The following CCSER1 variants were observed in gnomAD, a reference collection of about 807,000 sequenced individuals.
CCSER1 encodes coiled-coil serine rich protein 1.
Under a neutral mutation model 82.0 loss-of-function variants are expected in CCSER1, and 41 were observed. The ratio of observed to expected loss-of-function variants is 0.50; its 90% CI spans 0.39 to 0.65. CCSER1 has a LOEUF of 0.65. CCSER1 is among the 30% of genes least tolerant of loss of function. CCSER1 has a pLI of 0.00. For synonymous variants in CCSER1, 414 were observed against 383.9 expected (o/e 1.08, Z -0.92); for missense variants, 1,119 against 1,064.2 (o/e 1.05, Z -0.72).
At chr4:90,694,861 C>T (rs1038831036) in intron 6 of CCSER1, among the ~76,000 whole-genome samples, 3 of 150,316 alleles carry the variant, frequency 2.0e-5, no homozygotes, top group Non-Finnish European at 3.0e-5. Flanking sequence ...ATGCTGCATT[C>T]CTAAAAAGCT....
At chr4:90,221,935 A>G (rs1412176528) in intron 1 of CCSER1, among the ~76,000 whole-genome samples, 1 of 152,204 alleles carries the variant, frequency 6.6e-6, no homozygotes, top group Non-Finnish European at 1.5e-5. Flanking sequence ...GATAAATGAA[A>G]TATTTATACC....
intron 3 of CCSER1, chr4:90,325,525 G>A (rs1056908650): frequency 4.2e-5 from 10 of 238,518 alleles, no homozygotes; most frequent in Non-Finnish European, 7.5e-5. Flanking sequence ...CAACTGCTTT[G>A]TTCCTTATTT....
intron 10 of CCSER1, among the ~76,000 whole-genome samples, chr4:91,247,959 G>T (rs1368577557): frequency 6.6e-6 from 1 of 152,126 alleles, no homozygotes; most frequent in Non-Finnish European, 1.5e-5. Flanking sequence ...ACTTAGGCAG[G>T]AAGTATACAA....
intron 9 of CCSER1, among the ~76,000 whole-genome samples, chr4:90,997,172 C>A (rs2150464445): frequency 6.6e-6 from 1 of 152,210 alleles, no homozygotes; most frequent in East Asian, 1.9e-4. Context: ...GTTTGTGTTC[C>A]TTCTGGAGGT....
chr4:90,267,484 C>T (rs1207691345), intron 1 of CCSER1, among the ~76,000 whole-genome samples: 1 of 152,030 alleles, frequency 6.6e-6, no homozygotes, highest in African/African-American at 2.4e-5. Flanking sequence ...GAGCCCTGGA[C>T]CTTGAGCAAA....
intron 8 of CCSER1, among the ~76,000 whole-genome samples, chr4:90,880,324 CCAGAGATACGGGTCAGTAATCACT>C (rs1193565460): frequency 3.3e-5 from 5 of 152,078 alleles, no homozygotes; most frequent in Non-Finnish European, 5.9e-5. Flanking sequence ...GGGCTCCACA[CCAGAGATACGGGTCAGTAATCACT>C]CAGTGCAGTC....
chr4:91,351,337 C>A (rs1315993034), intron 10 of CCSER1, among the ~76,000 whole-genome samples: 2 of 151,988 alleles, frequency 1.3e-5, no homozygotes, highest in East Asian at 1.9e-4. Flanking sequence ...TAATTTGAAT[C>A]CTTCAGAGAT....
At chr4:90,276,976 A>G (rs72879736) in intron 1 of CCSER1, among the ~76,000 whole-genome samples, 7,378 of 152,068 alleles carry the variant, frequency 0.049, 475 homozygotes, top group African/African-American at 0.15. Flanking sequence ...TACTGAAGTC[A>G]TTTTCAGTTC....
chr4:91,444,496 C>T (rs568796474), intron 10 of CCSER1, among the ~76,000 whole-genome samples: 1 of 151,876 alleles, frequency 6.6e-6, no homozygotes, highest in South Asian at 2.1e-4. Context: ...ATCACCCAGG[C>T]TGGAGTGCAA....
intron 1 of CCSER1, among the ~76,000 whole-genome samples, chr4:90,238,441 C>G (rs997193531): frequency 2.0e-5 from 3 of 152,170 alleles, no homozygotes; most frequent in African/African-American, 7.2e-5. Flanking sequence ...ATTGAAGACT[C>G]ACATAGGAAA....
chr4:91,568,571 G>A (rs374162647), intron 10 of CCSER1, among the ~76,000 whole-genome samples: 14 of 151,768 alleles, frequency 9.2e-5, no homozygotes, highest in African/African-American at 1.5e-4. Context: ...ATTTTTGTCC[G>A]CTGTCTTATT....
intron 1 of CCSER1, among the ~76,000 whole-genome samples, chr4:90,129,690 C>T (rs1722483253): frequency 6.6e-6 from 1 of 152,134 alleles, no homozygotes; most frequent in South Asian, 2.1e-4. Context: ...CAAAACAAAC[C>T]AACTGTTGTT....
intron 1 of CCSER1, among the ~76,000 whole-genome samples, chr4:90,269,843 T>G (rs1046242775): frequency 6.6e-6 from 1 of 151,856 alleles, no homozygotes; most frequent in Non-Finnish European, 1.5e-5. Flanking sequence ...AAGGGGACAT[T>G]ACAATTGATA....
chr4:91,120,785 C>T (rs537626858), intron 10 of CCSER1, among the ~76,000 whole-genome samples: 19 of 151,710 alleles, frequency 1.3e-4, no homozygotes, highest in South Asian at 4.2e-4. Context: ...TTTATAAGTC[C>T]GAGGTGATCA....
At chr4:91,470,232 T>C (rs1757187330) in intron 10 of CCSER1, among the ~76,000 whole-genome samples, 1 of 152,210 alleles carries the variant, frequency 6.6e-6, no homozygotes, top group African/African-American at 2.4e-5. Flanking sequence ...GCTAGGGTAT[T>C]GTACAGATTG....
In CCSER1 at chr4:91,014,139, C is replaced by T; in HGVS notation, c.2173-71811C>T. On this transcript the variant is annotated intron_variant, in intron 9 of 10. Transcript: ENST00000509176. ...AAAAATATTCTTTAGCGGGATTTTA[C>T]TTTATTTCTGCAGATTTTTCTCCTC... is the stretch of plus-strand genomic sequence containing the variant. 1.6e-5 allele frequency among the ~76,000 whole-genome samples: 2 copies of T among 124,632 alleles called. 1 individual carries two copies. The highest frequency in any genetic ancestry group is 3.7e-5 in the Non-Finnish European group (2 of 53,816). 81.8% of individuals were successfully genotyped at this position (124,632 alleles called of 152,430 possible). A position where few individuals can be genotyped will look rare whatever the true frequency, so the allele number is the denominator to read the frequency against.
In CCSER1 at chr4:91,326,458, G is replaced by A. The variant is rs1344257519; in HGVS notation, c.2217+240464G>A. Among the ~76,000 whole-genome samples, 3 of 152,136 alleles carry A rather than the reference G, an allele frequency of 2.0e-5. No individual in the cohort carries two copies. In the East Asian group the frequency reaches 5.8e-4, roughly 29 times the overall value. ...CACTAGAACAGTAAGGGGGAAATCT[G>A]CCTTCATGATCCAATCACCTCCCAC... is the stretch of plus-strand genomic sequence containing the variant. On this transcript the variant is annotated intron_variant, in intron 10 of 10. Transcript: ENST00000509176.
intron 9 of CCSER1, among the ~76,000 whole-genome samples, chr4:91,048,714 C>G (rs1742735801): frequency 6.6e-6 from 1 of 152,098 alleles, no homozygotes; most frequent in Non-Finnish European, 1.5e-5. Context: ...ATGATGAAAT[C>G]TTTCTGTGTT....
intron 10 of CCSER1, among the ~76,000 whole-genome samples, chr4:91,309,166 T>TAAAA (rs1274144427): frequency 6.6e-6 from 1 of 152,118 alleles, no homozygotes; most frequent in Admixed American, 6.6e-5. Context: ...CCGTCCTTTT[T>TAAAA]AGATGATTAC....
Sources: gnomAD v4.1 joint callset for allele counts (sites outside exome capture counted in the v4.1 genomes callset) on GRCh38, gnomAD v4.1.1 for gene constraint, MANE v1.5 for transcripts, NCBI Gene and HGNC (gene_info 2026-07-23, HGNC 2026-07-21) for gene names.